XKR4: variants seen among roughly 807,000 people sequenced by gnomAD.
XKR4 encodes the protein XK-related protein 4.
XKR4 carries 12 observed loss-of-function variants against 53.9 expected under a neutral mutation model. That is an observed-to-expected ratio of 0.22 (90% CI 0.14 to 0.36). XKR4 has a LOEUF of 0.36. Among genes scored for constraint, XKR4 ranks in the 10% least tolerant of loss-of-function variants. The pLI is 1.00. For synonymous variants in XKR4, 354 were observed against 362.4 expected, an observed-to-expected ratio of 0.98 and a Z score of 0.26; for missense variants, 799 against 859.5, an observed-to-expected ratio of 0.93 and a Z score of 0.88.
Position 55,102,382 on chromosome 8 carries a change from G to T in XKR4, c.-107G>T. On this transcript the variant is annotated 5_prime_UTR_variant, in exon 1 of 3. Coordinates refer to ENST00000327381, the MANE Select transcript of XKR4 (RefSeq NM_052898.2). The surrounding 1 kb of genome is among the most constrained non-coding windows in gnomAD (Gnocchi z 5.1). ...CGCAGGAGCAGGAGGAGGGGGAGCC[G>T]CACCGCCTGGGAGGGAAGCCGGGGC... The T allele has an allele frequency of 7.6e-7, 1 of 1,316,634 alleles. No individual in the cohort carries two copies. Among genetic ancestry groups the T allele is most frequent in the Non-Finnish European group, 9.8e-7 (1 of 1,016,286 alleles). 81.6% of individuals were successfully genotyped at this position (1,316,634 alleles called of 1,614,324 possible).
intron 1 of XKR4, among the ~76,000 whole-genome samples, chr8:55,298,606 C>T (rs1223345852): frequency 1.3e-5 from 2 of 152,066 alleles, no homozygotes; most frequent in East Asian, 3.9e-4. Context: ...TGGGATCGGC[C>T]CCCATGATTC....
At chr8:55,459,716 T>A (rs569566425) in intron 2 of XKR4, among the ~76,000 whole-genome samples, 6 of 152,140 alleles carry the variant, frequency 3.9e-5, no homozygotes, top group Middle Eastern at 3.4e-3. Flanking sequence ...TAGGGAAAAG[T>A]AAATTAAAAG....
In XKR4 at chr8:55,177,099, C is replaced by T. The variant is rs139652582; in HGVS notation, c.806+73805C>T. 2.3e-3 allele frequency among the ~76,000 whole-genome samples: 342 copies of T among 151,320 alleles called. 1 individual carries two copies. Among genetic ancestry groups the T allele is most frequent in the Non-Finnish European group, 3.4e-3 (233 of 67,854 alleles). ...TTACCCAGGCTGGAGTGTAGTGGCA[C>T]GATCTAAGCTCACTGCAACCTCCGC... On this transcript the variant is annotated intron_variant, in intron 1 of 2. Transcript: ENST00000327381.
chr8:55,436,564 C>T (rs1233913194), intron 2 of XKR4, among the ~76,000 whole-genome samples: 1 of 152,144 alleles, frequency 6.6e-6, no homozygotes, highest in African/African-American at 2.4e-5. Context: ...TTCCTTGGGC[C>T]ATGCTTTTTC....
chr8:55,229,635 C>G (rs1242475987), intron 1 of XKR4, among the ~76,000 whole-genome samples: 1 of 152,206 alleles, frequency 6.6e-6, no homozygotes, highest in Non-Finnish European at 1.5e-5. Context: ...TTTCACTTGT[C>G]TCCTTCACTG....
intron 1 of XKR4, among the ~76,000 whole-genome samples, chr8:55,115,415 C>T (rs910818667): frequency 1.3e-5 from 2 of 149,954 alleles, no homozygotes; most frequent in Non-Finnish European, 3.0e-5. Flanking sequence ...AATGAATCTC[C>T]TTATAGACAA....
At chr8:55,367,940 G>T (rs1255643627) in intron 2 of XKR4, among the ~76,000 whole-genome samples, 1 of 151,892 alleles carries the variant, frequency 6.6e-6, no homozygotes, top group Non-Finnish European at 1.5e-5. Context: ...CCATAGCGAT[G>T]CGTTTTGTTT....
intron 1 of XKR4, among the ~76,000 whole-genome samples, chr8:55,173,035 ATTG>A (rs1585919086): frequency 6.6e-6 from 1 of 152,116 alleles, no homozygotes; most frequent in Non-Finnish European, 1.5e-5. Context: ...TGGAGTGAGT[ATTG>A]TTGTTATTTG....
chr8:55,445,799 G>A (rs778877775), intron 2 of XKR4, among the ~76,000 whole-genome samples: 1 of 152,140 alleles, frequency 6.6e-6, no homozygotes, highest in Non-Finnish European at 1.5e-5. Flanking sequence ...TAAGAGTAAC[G>A]GTTACCACAG....
chr8:55,301,963 G>A (rs1819206478), intron 1 of XKR4, among the ~76,000 whole-genome samples: 1 of 152,170 alleles, frequency 6.6e-6, no homozygotes, highest in Admixed American at 6.5e-5. Flanking sequence ...CACTCTGATG[G>A]TAGTTTCTTT....
intron 1 of XKR4, among the ~76,000 whole-genome samples, chr8:55,307,817 T>C (rs1166351904): frequency 1.3e-5 from 2 of 152,210 alleles, no homozygotes. Flanking sequence ...CTGGCAAGGA[T>C]GTGAAGAATC....
chr8:55,117,243 G>A (rs1816322650), intron 1 of XKR4, among the ~76,000 whole-genome samples: 1 of 152,110 alleles, frequency 6.6e-6, no homozygotes. Flanking sequence ...GAAATCCAAA[G>A]TGAAATATTT....
chr8:55,349,579 CA>C (rs1204271084), intron 1 of XKR4, among the ~76,000 whole-genome samples: 1 of 152,048 alleles, frequency 6.6e-6, no homozygotes, highest in East Asian at 1.9e-4. Context: ...TTAAATAAGC[CA>C]AATTTGAGGA....
chr8:55,135,596 A>G (rs1816614506), intron 1 of XKR4: 2 of 456,066 alleles, frequency 4.4e-6, no homozygotes, highest in Non-Finnish European at 8.8e-6. Flanking sequence ...TTTCTCTGTC[A>G]TCGGAGCTGT....
intron 1 of XKR4, among the ~76,000 whole-genome samples, chr8:55,302,536 G>C (rs1819217788): frequency 6.6e-6 from 1 of 152,166 alleles, no homozygotes; most frequent in African/African-American, 2.4e-5. Flanking sequence ...TGTGAAGAAA[G>C]TCATTGGTAG....
intron 2 of XKR4, among the ~76,000 whole-genome samples, chr8:55,462,361 A>G (rs1429352921): frequency 6.6e-6 from 1 of 152,198 alleles, no homozygotes; most frequent in East Asian, 1.9e-4. Flanking sequence ...AGAATTTCAT[A>G]TCCAGCCAAA....
intron 1 of XKR4, among the ~76,000 whole-genome samples, chr8:55,274,380 T>A (rs1482304156): frequency 6.6e-6 from 1 of 151,982 alleles, no homozygotes; most frequent in Non-Finnish European, 1.5e-5. Context: ...TATATCCTCA[T>A]ATGGTCATCT....
intron 1 of XKR4, among the ~76,000 whole-genome samples, chr8:55,114,428 A>T (rs779052290): frequency 1.3e-5 from 2 of 152,066 alleles, no homozygotes; most frequent in African/African-American, 2.4e-5. Context: ...TGCATGTTTG[A>T]CTGAGAATTT....
intron 1 of XKR4, among the ~76,000 whole-genome samples, chr8:55,279,753 G>A (rs1039347819): frequency 7.9e-5 from 12 of 152,120 alleles, no homozygotes; most frequent in South Asian, 2.1e-4. Context: ...TCATGAAGTC[G>A]TGCTCATTTC....
Sources: allele counts gnomAD v4.1 joint callset (sites outside exome capture counted in the v4.1 genomes callset), GRCh38; gene constraint gnomAD v4.1.1; non-coding constraint Gnocchi (gnomAD v3.1); transcripts MANE v1.5; gene names NCBI Gene and HGNC (gene_info 2026-07-23, HGNC 2026-07-21).